GALNTL6: variants seen among roughly 807,000 people sequenced by gnomAD.
The protein encoded by GALNTL6 is polypeptide N-acetylgalactosaminyltransferase like 6.
A neutral mutation model predicts 73.7 loss-of-function variants in GALNTL6; 46 were observed. The observed-to-expected ratio is 0.62, with a 90% CI of 0.49 to 0.80. The LOEUF is 0.80. Among genes scored for constraint, GALNTL6 ranks in the 30% least tolerant of loss-of-function variants. The probability of loss-of-function intolerance (pLI) is 0.00; values close to 1 mark genes in which losing one functional copy is unlikely to be tolerated. For synonymous variants in GALNTL6, 259 were observed against 263.7 expected, an observed-to-expected ratio of 0.98 and a Z score of 0.17; for missense variants, 604 against 755.0, an observed-to-expected ratio of 0.80 and a Z score of 2.34.
At position 172,744,359 on chromosome 4, in the gene GALNTL6, GA is replaced by G. The variant is rs147657309; in HGVS notation, c.554-64995del. On this transcript the variant is annotated intron_variant, in intron 5 of 12. Coordinates refer to ENST00000506823, the MANE Select transcript of GALNTL6 (RefSeq NM_001034845.3). ...AACACATGGCTACAAATCCATTTTG[GA>G]AAAAAACTTGGAGAAAGTACTAGCA... Among the ~76,000 whole-genome samples the G allele has an allele frequency of 6.1e-3, 927 of 152,058 alleles. 9 individuals are homozygous for G. Among genetic ancestry groups the G allele is most frequent in the African/African-American group, 0.017 (724 of 41,490 alleles).
At chr4:172,868,904 T>C (rs1744789755) in intron 7 of GALNTL6, among the ~76,000 whole-genome samples, 1 of 152,206 alleles carries the variant, frequency 6.6e-6, no homozygotes, top group Non-Finnish European at 1.5e-5. Context: ...ACAAATGAAC[T>C]GAGGAACACA....
chr4:172,844,909 AAAAAT>A (rs1170417288), intron 7 of GALNTL6, among the ~76,000 whole-genome samples: 9 of 152,190 alleles, frequency 5.9e-5, no homozygotes, highest in African/African-American at 1.9e-4. Flanking sequence ...AATATGAAGG[AAAAAT>A]AAAATAAAAA....
Position 172,799,604 on chromosome 4 carries a change from A to G in GALNTL6, c.554-9757A>G, listed in dbSNP as rs138669378. Among the ~76,000 whole-genome samples the G allele has an allele frequency of 4.0e-3, 609 of 152,286 alleles. 6 individuals are homozygous for G. Among genetic ancestry groups the G allele is most frequent in the African/African-American group, 0.014 (571 of 41,564 alleles). ...TCAACCAAAATTTATCTATATATACATTTTACAAAAAGAGTCAAAAGGACG... is the reference window on the plus strand; with the variant it reads ...TCAACCAAAATTTATCTATATATACGTTTTACAAAAAGAGTCAAAAGGACG... On this transcript the variant is annotated intron_variant, in intron 5 of 12. Coordinates refer to ENST00000506823, the MANE Select transcript of GALNTL6 (RefSeq NM_001034845.3).
chr4:171,881,068 A>G (rs1297296444), intron 2 of GALNTL6, among the ~76,000 whole-genome samples: 1 of 152,122 alleles, frequency 6.6e-6, no homozygotes, highest in Non-Finnish European at 1.5e-5. Context: ...AATTTTTAAC[A>G]GTTGTGAACA....
intron 10 of GALNTL6, among the ~76,000 whole-genome samples, chr4:172,980,370 A>G (rs1488129169): frequency 2.0e-5 from 3 of 152,238 alleles, no homozygotes; most frequent in Non-Finnish European, 4.4e-5. Flanking sequence ...CAGCACCACT[A>G]TCCATCACCA....
chr4:172,952,114 T>G lies in GALNTL6; in HGVS notation c.1227T>G (p.His409Gln). 1 of 1,614,090 alleles carries G rather than the reference T, an allele frequency of 6.2e-7. No individual in the cohort carries two copies. The highest frequency in any genetic ancestry group is 8.5e-7 in the Non-Finnish European group (1 of 1,179,998). ...YIYQRRPEYR[H>Q]LSTGDISAQK... ...ACCAGCGGCGGCCGGAGTACAGGCA[T>G]CTCTCCACGGGGGACATCTCTGCCC... is the stretch of plus-strand genomic sequence containing the variant. Residue 409 changes from histidine (H) to glutamine (Q), a missense_variant, in exon 10 of 13, where the codon CAT (histidine) becomes CAG (glutamine). His to Gln is a conservative substitution (Grantham distance 24, BLOSUM62 0). Coordinates refer to ENST00000506823, the MANE Select transcript of GALNTL6 (RefSeq NM_001034845.3).
intron 3 of GALNTL6, among the ~76,000 whole-genome samples, chr4:172,298,578 G>T (rs910611130): frequency 1.3e-5 from 2 of 152,204 alleles, no homozygotes; most frequent in African/African-American, 4.8e-5. Context: ...TAGCATGAAG[G>T]GCTGTTGAAT....
chr4:172,548,935 A>G (rs1306387156), intron 5 of GALNTL6, among the ~76,000 whole-genome samples: 2 of 152,126 alleles, frequency 1.3e-5, no homozygotes, highest in Non-Finnish European at 2.9e-5. Flanking sequence ...TTGTTTCTCT[A>G]TTATTTCAAT....
intron 5 of GALNTL6, among the ~76,000 whole-genome samples, chr4:172,706,904 T>A (rs1734391054): frequency 6.6e-6 from 1 of 152,186 alleles, no homozygotes; most frequent in Admixed American, 6.5e-5. Context: ...TGGCTCATTT[T>A]AGCCCAACTT....
chr4:172,668,889 T>C (rs1356653889), intron 5 of GALNTL6: 1 of 152,078 alleles, frequency 6.6e-6, no homozygotes, highest in Admixed American at 6.6e-5. Flanking sequence ...CCACATCGAT[T>C]AAGGTCAGGG....
chr4:171,986,232 T>A (rs1006257436), intron 2 of GALNTL6, among the ~76,000 whole-genome samples: 20 of 151,264 alleles, frequency 1.3e-4, no homozygotes, highest in Admixed American at 7.3e-4. Flanking sequence ...AGGGTGGGGC[T>A]GTTTTATAGG....
intron 2 of GALNTL6, among the ~76,000 whole-genome samples, chr4:172,207,039 A>T (rs28589865): frequency 2.0e-5 from 3 of 150,634 alleles, no homozygotes; most frequent in Non-Finnish European, 4.4e-5. Context: ...GGATGATCTC[A>T]ATCTCCTGAC....
intron 2 of GALNTL6, among the ~76,000 whole-genome samples, chr4:172,028,182 G>A (rs959364055): frequency 6.6e-6 from 1 of 151,930 alleles, no homozygotes; most frequent in Non-Finnish European, 1.5e-5. Context: ...ATATTATATA[G>A]TGATGATATA....
At chr4:172,077,479 C>T (rs971693083) in intron 2 of GALNTL6, among the ~76,000 whole-genome samples, 4 of 151,780 alleles carry the variant, frequency 2.6e-5, no homozygotes, top group Non-Finnish European at 5.9e-5. Context: ...CAGCTTTTGC[C>T]CCTTCCCTAG....
chr4:172,189,580 C>A (rs1395294792), intron 2 of GALNTL6, among the ~76,000 whole-genome samples: 2 of 152,070 alleles, frequency 1.3e-5, no homozygotes, highest in African/African-American at 4.8e-5. Flanking sequence ...AAAAGAATAC[C>A]TGCTGAAAGC....
At chr4:172,999,767 TTA>T (rs35127229) in intron 10 of GALNTL6, among the ~76,000 whole-genome samples, 138,921 of 147,996 alleles carry the variant, frequency 0.94, 65,443 homozygotes, top group Middle Eastern at 0.99. Context: ...TGAATACATA[TTA>T]TATATATATA....
At chr4:172,683,106 A>G (rs1483073628) in intron 5 of GALNTL6, among the ~76,000 whole-genome samples, 1 of 152,180 alleles carries the variant, frequency 6.6e-6, no homozygotes, top group Non-Finnish European at 1.5e-5. Flanking sequence ...TTCTGTAAGC[A>G]ATTTGGGAGT....
chr4:172,707,400 G>A (rs151221139), intron 5 of GALNTL6, among the ~76,000 whole-genome samples: 567 of 152,230 alleles, frequency 3.7e-3, no homozygotes, highest in Middle Eastern at 0.01. Flanking sequence ...CACAAGTATA[G>A]TCCTGCCACT....
intron 5 of GALNTL6, among the ~76,000 whole-genome samples, chr4:172,805,564 A>G (rs73871836): frequency 0.012 from 1,820 of 152,220 alleles, 39 homozygotes; most frequent in African/African-American, 0.04. Flanking sequence ...TGGACCATGG[A>G]CCAAAAAAAT....
Sources: gnomAD v4.1 joint callset for allele counts (sites outside exome capture counted in the v4.1 genomes callset) on GRCh38, gnomAD v4.1.1 for gene constraint, MANE v1.5 for transcripts, NCBI Gene and HGNC (gene_info 2026-07-23, HGNC 2026-07-21) for gene names.